The following CTNNBL1 variants were observed in gnomAD, a reference collection of about 807,000 sequenced individuals.
The protein encoded by CTNNBL1 is catenin beta like 1.
CTNNBL1 carries 31 observed loss-of-function variants against 72.7 expected under a neutral mutation model. The ratio of observed to expected loss-of-function variants is 0.43; its 90% CI spans 0.32 to 0.58. The LOEUF is 0.58. Among genes scored for constraint, CTNNBL1 ranks in the 20% least tolerant of loss-of-function variants. The pLI is 0.08. For synonymous variants in CTNNBL1, 240 were observed against 267.3 expected (o/e 0.90, Z 1.00); for missense variants, 534 against 725.1 (o/e 0.74, Z 3.03).
chr20:37,839,131 G>C (rs1404851309), intron 11 of CTNNBL1, among the ~76,000 whole-genome samples: 1 of 152,194 alleles, frequency 6.6e-6, no homozygotes. Context: ...AGGGAAACGA[G>C]GGGATGGGGA....
chr20:37,797,578 T>C (rs1249111321), intron 10 of CTNNBL1, among the ~76,000 whole-genome samples: 4 of 152,140 alleles, frequency 2.6e-5, no homozygotes, highest in African/African-American at 9.7e-5. Context: ...ATTATTGGGC[T>C]TCAGACATAA....
intron 11 of CTNNBL1, among the ~76,000 whole-genome samples, chr20:37,819,157 C>A (rs1290636166): frequency 6.6e-6 from 1 of 152,144 alleles, no homozygotes; most frequent in Admixed American, 6.5e-5. Context: ...TGTGTATAAG[C>A]ATTGTGTGTG....
At chr20:37,775,159 C>T (rs1473154479) in intron 7 of CTNNBL1, among the ~76,000 whole-genome samples, 2 of 152,042 alleles carry the variant, frequency 1.3e-5, no homozygotes, top group African/African-American at 4.8e-5. Flanking sequence ...ATTTATTAGC[C>T]ATTTGAGAAG....
intron 11 of CTNNBL1, among the ~76,000 whole-genome samples, chr20:37,821,330 A>G (rs1203559840): frequency 6.6e-6 from 1 of 152,234 alleles, no homozygotes; most frequent in Admixed American, 6.5e-5. Context: ...ACTATGCCTT[A>G]CGCGTGGGGG....
intron 5 of CTNNBL1, among the ~76,000 whole-genome samples, chr20:37,761,076 T>G (rs969969904): frequency 6.6e-6 from 1 of 151,746 alleles, no homozygotes; most frequent in Non-Finnish European, 1.5e-5. Flanking sequence ...TCTGTGGACA[T>G]GAAGAGAGAG....
intron 4 of CTNNBL1, among the ~76,000 whole-genome samples, chr20:37,752,601 GGAGATTAAT>G (rs959137402): frequency 2.0e-5 from 3 of 150,274 alleles, no homozygotes; most frequent in African/African-American, 4.9e-5. Context: ...TCATCTCATT[GGAGATTAAT>G]GAGATTAATG....
intron 10 of CTNNBL1, among the ~76,000 whole-genome samples, chr20:37,794,494 T>C (rs1276092049): frequency 6.6e-6 from 1 of 151,950 alleles, no homozygotes; most frequent in Non-Finnish European, 1.5e-5. Context: ...TTGTTTTTGC[T>C]TTTTGTTTGT....
At chr20:37,856,357 C>T (rs1568813661) in intron 13 of CTNNBL1, among the ~76,000 whole-genome samples, 1 of 152,026 alleles carries the variant, frequency 6.6e-6, no homozygotes, top group African/African-American at 2.4e-5. Context: ...GTGGGAGGTA[C>T]CACAACAGAG....
chr20:37,813,509 T>C (rs547235345), intron 11 of CTNNBL1, among the ~76,000 whole-genome samples: 3 of 152,338 alleles, frequency 2.0e-5, no homozygotes, highest in Admixed American at 6.5e-5. Flanking sequence ...AGTTTTGATA[T>C]TGAGGGCTTG....
chr20:37,808,713 T>A (rs1018680449), intron 11 of CTNNBL1, among the ~76,000 whole-genome samples: 2 of 152,178 alleles, frequency 1.3e-5, no homozygotes, highest in African/African-American at 2.4e-5. Context: ...CCTGCAGCTT[T>A]AACCTTCATC....
intron 15 of CTNNBL1, among the ~76,000 whole-genome samples, chr20:37,861,025 A>G (rs903224298): frequency 2.6e-5 from 4 of 152,238 alleles, no homozygotes; most frequent in African/African-American, 9.6e-5. Flanking sequence ...GTCGGGATGC[A>G]GGGGACTACT....
chr20:37,800,815 C>T (rs2073817794), intron 10 of CTNNBL1, among the ~76,000 whole-genome samples: 1 of 152,208 alleles, frequency 6.6e-6, no homozygotes, highest in African/African-American at 2.4e-5. Context: ...ACACTCTGCT[C>T]CTTGGCGTAC....
chr20:37,842,550 A>G, intron 13 of CTNNBL1, 131 bp downstream of exon 13: 1 of 680,384 alleles, frequency 1.5e-6, no homozygotes, highest in Non-Finnish European at 2.7e-6. Flanking sequence ...AGTAGAGCAG[A>G]TGATGGTCTG....
intron 11 of CTNNBL1, among the ~76,000 whole-genome samples, chr20:37,839,627 T>C (rs994590151): frequency 2.0e-5 from 3 of 152,240 alleles, no homozygotes; most frequent in South Asian, 2.1e-4. Context: ...ATGTAAGTGA[T>C]AGCACTGGGT....
At chr20:37,870,628 G>A (rs1162198713) in intron 15 of CTNNBL1, among the ~76,000 whole-genome samples, 2 of 152,120 alleles carry the variant, frequency 1.3e-5, no homozygotes, top group African/African-American at 4.8e-5. Flanking sequence ...CCACTGTCAC[G>A]TCGCATCTCC....
chr20:37,694,181 C>G (rs1387755061), intron 1 of CTNNBL1, 29 bp downstream of exon 1: 2 of 1,577,298 alleles, frequency 1.3e-6, no homozygotes, highest in African/African-American at 2.8e-5. Context: ...GCCGAGCGAC[C>G]GCGTTCTCAC....
At chr20:37,710,233 T>C (rs2072925490) in intron 1 of CTNNBL1, among the ~76,000 whole-genome samples, 1 of 152,250 alleles carries the variant, frequency 6.6e-6, no homozygotes, top group African/African-American at 2.4e-5. Flanking sequence ...CTTTTACTTC[T>C]GCACTGTGGA....
intron 13 of CTNNBL1, among the ~76,000 whole-genome samples, chr20:37,845,753 G>A (rs2072342027): frequency 6.6e-6 from 1 of 152,158 alleles, no homozygotes; most frequent in African/African-American, 2.4e-5. Context: ...TACACCAATT[G>A]GGAGCTTAGC....
intron 15 of CTNNBL1, among the ~76,000 whole-genome samples, chr20:37,870,775 C>A (rs2072577403): frequency 6.6e-6 from 1 of 152,208 alleles, no homozygotes; most frequent in Admixed American, 6.5e-5. Context: ...GGTGCACAGA[C>A]CCACACCATC....
Sources: gnomAD v4.1 joint callset for allele counts (sites outside exome capture counted in the v4.1 genomes callset) on GRCh38, gnomAD v4.1.1 for gene constraint, MANE v1.5 for transcripts, NCBI Gene and HGNC (gene_info 2026-07-23, HGNC 2026-07-21) for gene names.